Variants in SLC49A4 observed in about 807,000 individuals in gnomAD.
SLC49A4 encodes the protein disrupted in renal cancer protein 2.
SLC49A4 carries 36 observed loss-of-function variants against 50.6 expected under a neutral mutation model. That is an observed-to-expected ratio of 0.71 (90% CI 0.55 to 0.94). SLC49A4 has a LOEUF of 0.94. Ranked by LOEUF, SLC49A4 falls within the 40% of genes least tolerant of loss-of-function variation. SLC49A4 has a pLI of 0.00. For missense variants in SLC49A4, 503 were observed against 605.7 expected, an observed-to-expected ratio of 0.83 and a Z score of 1.78; for synonymous variants, 248 against 241.2, an observed-to-expected ratio of 1.03 and a Z score of -0.26.
rs753393901 is a variant in SLC49A4, at chr3:122,879,246, GT to G, written c.1322-10del. ...GATACATGAATGTTTAAAACTGCAT[GT>G]TTTTTTGTCTTACAGAGTTGTCTTG... is the stretch of plus-strand genomic sequence containing the variant. On this transcript the variant is annotated splice_polypyrimidine_tract_variant and intron_variant, in intron 8 of 8. Coordinates refer to ENST00000261038, the MANE Select transcript of SLC49A4 (RefSeq NM_032839.3). 1 of 1,590,364 alleles carries G rather than the reference GT, an allele frequency of 6.3e-7. No individual in the cohort carries two copies.
At chr3:122,872,624 A>C (rs1172901638) in intron 8 of SLC49A4, 27 bp downstream of exon 8, 2 of 1,507,404 alleles carry the variant, frequency 1.3e-6, no homozygotes, top group Non-Finnish European at 1.8e-6. Flanking sequence ...TTTATTTACT[A>C]TCTAAATGTG....
At chr3:122,844,867 TGAA>T (rs1936826766) in intron 4 of SLC49A4, among the ~76,000 whole-genome samples, 1 of 85,232 alleles carries the variant, frequency 1.2e-5, no homozygotes, top group African/African-American at 3.7e-5. Context: ...TTGAGCTTCT[TGAA>T]GAATATATAT....
At chr3:122,874,899 A>G (rs920460156) in intron 8 of SLC49A4, among the ~76,000 whole-genome samples, 4 of 152,230 alleles carry the variant, frequency 2.6e-5, no homozygotes, top group Non-Finnish European at 4.4e-5. Context: ...TAATTAGCTG[A>G]CTGATGCTAG....
At chr3:122,820,731 G>A (rs781302219) in intron 2 of SLC49A4, among the ~76,000 whole-genome samples, 67 of 152,336 alleles carry the variant, frequency 4.4e-4, no homozygotes, top group Middle Eastern at 3.4e-3. Flanking sequence ...GGCACTAATC[G>A]AGGGCAGTGG....
At chr3:122,861,937 T>C (rs78708032) in intron 7 of SLC49A4, among the ~76,000 whole-genome samples, 5,425 of 152,316 alleles carry the variant, frequency 0.036, 127 homozygotes, top group Middle Eastern at 0.088. Flanking sequence ...TGCATTCTTT[T>C]CGATGACATC....
In SLC49A4 at chr3:122,795,214, G is replaced by A; in HGVS notation, c.22G>A (p.Glu8Lys). 2.2e-6 allele frequency: 3 copies of A among 1,334,978 alleles called. No individual in the cohort carries two copies. Among genetic ancestry groups the A allele is most frequent in the South Asian group, 2.1e-5 (1 of 47,194 alleles). The allele number at this position is 1,334,978 out of a possible 1,614,324, so 82.7% of individuals were successfully genotyped here. Residue 8 changes from glutamate (E) to lysine (K), a missense_variant, in exon 1 of 9, where the codon GAA becomes AAA. Glu to Lys is a moderately conservative substitution (Grantham distance 56). Coordinates refer to ENST00000261038, the MANE Select transcript of SLC49A4 (RefSeq NM_032839.3). ...CGCCATGGGCTCTCGCTGGAGCAGC[G>A]AAGAGGAGAGGCAGCCGCTGCTGGG... MGSRWSS[E>K]EERQPLLGPG...
chr3:122,838,127 A>G (rs983284106), intron 4 of SLC49A4, among the ~76,000 whole-genome samples: 2 of 152,058 alleles, frequency 1.3e-5, no homozygotes, highest in African/African-American at 4.8e-5. Flanking sequence ...AAACTAGTTC[A>G]ACCATTGTGG....
chr3:122,867,898 G>A (rs867581329), intron 7 of SLC49A4, among the ~76,000 whole-genome samples: 1 of 151,804 alleles, frequency 6.6e-6, no homozygotes, highest in East Asian at 1.9e-4. Context: ...GGCGGATCAC[G>A]AGGTCAGGAG....
At chr3:122,797,130 C>G (rs1936054034) in intron 1 of SLC49A4, among the ~76,000 whole-genome samples, 1 of 152,108 alleles carries the variant, frequency 6.6e-6, no homozygotes, top group Non-Finnish European at 1.5e-5. Context: ...ATTGTGAATT[C>G]CTTAATGATC....
intron 2 of SLC49A4, among the ~76,000 whole-genome samples, chr3:122,810,760 T>C (rs997091936): frequency 7.9e-5 from 12 of 152,212 alleles, no homozygotes; most frequent in African/African-American, 2.4e-5. Flanking sequence ...TAAACATAGA[T>C]TTTCTAGAAA....
chr3:122,809,201 G>A (rs1379050536), intron 2 of SLC49A4, among the ~76,000 whole-genome samples: 1 of 152,056 alleles, frequency 6.6e-6, no homozygotes, highest in African/African-American at 2.4e-5. Flanking sequence ...AAAATTTAGG[G>A]TACAAGGGTT....
chr3:122,811,466 A>G (rs1353154113), intron 2 of SLC49A4, among the ~76,000 whole-genome samples: 1 of 152,244 alleles, frequency 6.6e-6, no homozygotes, highest in African/African-American at 2.4e-5. Context: ...GGCACTGCTG[A>G]TGTGTGAGCA....
At chr3:122,850,325 A>G (rs78786592) in intron 5 of SLC49A4, among the ~76,000 whole-genome samples, 5,200 of 152,266 alleles carry the variant, frequency 0.034, 299 homozygotes, top group African/African-American at 0.12. Flanking sequence ...ACAGAATGCT[A>G]TAAGTAGAAC....
Position 122,795,101 on chromosome 3 carries a change from C to A in SLC49A4, c.-92C>A. 1 of 1,219,464 alleles carries A rather than the reference C, an allele frequency of 8.2e-7. No individual in the cohort carries two copies. The highest frequency in any genetic ancestry group is 4.3e-5 in the Admixed American group (1 of 23,364). 75.5% of individuals were successfully genotyped at this position (1,219,464 alleles called of 1,614,324 possible). On this transcript the variant is annotated 5_prime_UTR_variant, in exon 1 of 9. Coordinates refer to ENST00000261038, the MANE Select transcript of SLC49A4 (RefSeq NM_032839.3). ...AGGCCGAGGGCGACCACAGCAGCCT[C>A]CGCCTCCTGCTGCTCAGGACTATTC...
intron 2 of SLC49A4, among the ~76,000 whole-genome samples, chr3:122,821,125 T>C (rs559817395): frequency 9.2e-5 from 14 of 152,336 alleles, no homozygotes; most frequent in African/African-American, 3.4e-4. Flanking sequence ...ATGCCTTTAC[T>C]CCTCCTTCGC....
intron 4 of SLC49A4, among the ~76,000 whole-genome samples, chr3:122,844,271 C>T (rs1349718330): frequency 2.0e-5 from 3 of 152,138 alleles, no homozygotes; most frequent in Non-Finnish European, 4.4e-5. Flanking sequence ...TGAGGTCTCA[C>T]TATCTTGCTC....
chr3:122,804,336 C>T (rs1936178753), intron 1 of SLC49A4, among the ~76,000 whole-genome samples: 1 of 152,198 alleles, frequency 6.6e-6, no homozygotes, highest in Non-Finnish European at 1.5e-5. Context: ...GGATCTGTCC[C>T]TATGATCCAA....
chr3:122,820,185 T>A (rs1936431450), intron 2 of SLC49A4, among the ~76,000 whole-genome samples: 1 of 152,200 alleles, frequency 6.6e-6, no homozygotes, highest in Admixed American at 6.5e-5. Flanking sequence ...AGTAATTTTT[T>A]TTATTATTAA....
intron 1 of SLC49A4, among the ~76,000 whole-genome samples, chr3:122,796,648 T>G (rs1253941371): frequency 1.3e-5 from 2 of 152,216 alleles, no homozygotes; most frequent in African/African-American, 2.4e-5. Flanking sequence ...CCTATTCACA[T>G]GGGTTCCACC....
Sources: gnomAD v4.1 joint callset for allele counts (sites outside exome capture counted in the v4.1 genomes callset) on GRCh38, gnomAD v4.1.1 for gene constraint, MANE v1.5 for transcripts, NCBI Gene and HGNC (gene_info 2026-07-23, HGNC 2026-07-21) for gene names.